Variants in ASPRV1 observed in about 807,000 individuals in gnomAD.
ASPRV1 encodes retroviral-like aspartic protease 1.
In ASPRV1, 7 loss-of-function variants were observed where a neutral mutation model predicts 11.0. That is an observed-to-expected ratio of 0.64 (90% CI 0.36 to 1.20). ASPRV1 has a LOEUF of 1.20. Ranked by LOEUF, ASPRV1 falls within the 50% of genes most tolerant of loss-of-function variation. ASPRV1 has a pLI of 0.02. For synonymous variants in ASPRV1, 136 were observed against 138.4 expected, an observed-to-expected ratio of 0.98 and a Z score of 0.12; for missense variants, 299 against 320.0, an observed-to-expected ratio of 0.93 and a Z score of 0.50.
the ASPRV1 span, among the ~76,000 whole-genome samples, chr2:69,951,731 A>T: frequency 5.9e-5 from 9 of 152,070 alleles, no homozygotes; most frequent in Admixed American, 1.3e-4. Context: ...AATAAAAATG[A>T]ACAATCAAAA....
chr2:69,944,456 A>G, the ASPRV1 span, among the ~76,000 whole-genome samples: 1 of 152,210 alleles, frequency 6.6e-6, no homozygotes, highest in African/African-American at 2.4e-5. Flanking sequence ...GAGCGCTAGC[A>G]TTATCCAAAC....
At chr2:69,965,344 C>G (rs1350907588), upstream of ASPRV1, among the ~76,000 whole-genome samples, 1 of 152,102 alleles carries the variant, frequency 6.6e-6, no homozygotes, top group Non-Finnish European at 1.5e-5. Flanking sequence ...ACCTCAAACA[C>G]TTTAGACCAG....
the ASPRV1 span, among the ~76,000 whole-genome samples, chr2:70,005,893 C>T: frequency 2.0e-5 from 3 of 152,340 alleles, no homozygotes; most frequent in South Asian, 6.2e-4. Flanking sequence ...CCCCTCAGCC[C>T]CTGTTTACAT....
chr2:69,990,964 G>A, the ASPRV1 span, among the ~76,000 whole-genome samples: 99 of 152,212 alleles, frequency 6.5e-4, no homozygotes, highest in African/African-American at 2.2e-3. Flanking sequence ...AGGGAACTCC[G>A]CACCACACCG....
At chr2:70,070,164 A>T in the ASPRV1 span, 2 of 129,052 alleles carry the variant, frequency 1.5e-5, no homozygotes, top group Non-Finnish European at 3.1e-5. Flanking sequence ...GGGTAACATG[A>T]GCAAGACTCC....
chr2:70,056,050 T>C, the ASPRV1 span: 1 of 152,236 alleles, frequency 6.6e-6, no homozygotes, highest in Non-Finnish European at 1.5e-5. Context: ...AGAGCATGAA[T>C]GAACCCTAAC....
upstream of ASPRV1, chr2:69,963,347 CCCAG>C (rs1274880988): frequency 1.1e-5 from 5 of 456,534 alleles, no homozygotes; most frequent in African/African-American, 1.0e-4. Context: ...AGAGAAATGG[CCCAG>C]CCACACGCAA....
the ASPRV1 span, among the ~76,000 whole-genome samples, chr2:69,948,388 T>C: frequency 6.6e-6 from 1 of 152,248 alleles, no homozygotes; most frequent in Admixed American, 6.5e-5. Flanking sequence ...CCTCAGCCTG[T>C]TCCACTCAAC....
At chr2:70,069,368 G>A in the ASPRV1 span, 1 of 152,182 alleles carries the variant, frequency 6.6e-6, no homozygotes, top group Non-Finnish European at 1.5e-5. Context: ...TCCCAGGTTG[G>A]AACTCAAAAC....
chr2:70,036,713 G>C, the ASPRV1 span, among the ~76,000 whole-genome samples: 2 of 152,114 alleles, frequency 1.3e-5, no homozygotes, highest in African/African-American at 2.4e-5. Context: ...TGTCACCCAG[G>C]CTGGAGTGCA....
the ASPRV1 span, chr2:70,015,613 T>C: frequency 6.6e-6 from 1 of 152,142 alleles, no homozygotes; most frequent in African/African-American, 2.4e-5. Flanking sequence ...AGCTTCTAGA[T>C]ACATAAGGCA....
the ASPRV1 span, among the ~76,000 whole-genome samples, chr2:69,944,808 C>CA: frequency 1.3e-5 from 2 of 151,904 alleles, no homozygotes; most frequent in African/African-American, 4.8e-5. Flanking sequence ...AGGACCCCCC[C>CA]TCCTCTACTG....
the ASPRV1 span, among the ~76,000 whole-genome samples, chr2:70,010,060 A>G: frequency 3.9e-5 from 6 of 152,300 alleles, no homozygotes; most frequent in East Asian, 1.2e-3. Flanking sequence ...GGGAAGTCAC[A>G]GAGCTGGAGG....
upstream of ASPRV1, chr2:69,963,452 A>ATTC: frequency 2.2e-6 from 1 of 456,640 alleles, no homozygotes. Context: ...GAACTGATCC[A>ATTC]GTGGTTTCCT....
chr2:70,018,513 G>A, the ASPRV1 span, among the ~76,000 whole-genome samples: 1 of 152,110 alleles, frequency 6.6e-6, no homozygotes, highest in Non-Finnish European at 1.5e-5. Context: ...CATACTGTCT[G>A]TCTCCAAAAT....
At chr2:69,965,229 C>T (rs891374519), upstream of ASPRV1, among the ~76,000 whole-genome samples, 1 of 152,034 alleles carries the variant, frequency 6.6e-6, no homozygotes, top group East Asian at 1.9e-4. Flanking sequence ...TTAGTAAAGA[C>T]AGGTTTCACC....
chr2:70,046,137 T>A, the ASPRV1 span: 1 of 152,238 alleles, frequency 6.6e-6, no homozygotes. Context: ...GAGCCTTGGC[T>A]ACCCCTCCTG....
At chr2:70,011,509 G>A in the ASPRV1 span, 1 of 152,556 alleles carries the variant, frequency 6.6e-6, no homozygotes, top group Non-Finnish European at 1.5e-5. Flanking sequence ...AAGGGAGGGA[G>A]CCAGATAAGG....
the ASPRV1 span, among the ~76,000 whole-genome samples, chr2:70,078,006 A>G: frequency 6.6e-6 from 1 of 151,944 alleles, no homozygotes; most frequent in Non-Finnish European, 1.5e-5. Flanking sequence ...GTCTCTACTA[A>G]AAATACAAAA....
Sources: gnomAD v4.1 joint callset for allele counts (sites outside exome capture counted in the v4.1 genomes callset) on GRCh38, gnomAD v4.1.1 for gene constraint, MANE v1.5 for transcripts, NCBI Gene and HGNC (gene_info 2026-07-23, HGNC 2026-07-21) for gene names.